Variants in TLL1 observed in about 807,000 individuals in gnomAD.
TLL1 encodes tolloid like 1.
Under a neutral mutation model 128.2 loss-of-function variants are expected in TLL1, and 49 were observed. The ratio of observed to expected loss-of-function variants is 0.38; its 90% CI spans 0.30 to 0.48. The LOEUF is 0.48. Ranked by LOEUF, TLL1 falls within the 20% of genes least tolerant of loss-of-function variation. The pLI is 0.96. For missense variants in TLL1, 1,123 were observed against 1,242.0 expected (o/e 0.90, Z 1.44); for synonymous variants, 454 against 418.8 (o/e 1.08, Z -1.03).
intron 12 of TLL1, among the ~76,000 whole-genome samples, chr4:166,043,972 CA>C (rs1413853086): frequency 2.0e-5 from 3 of 152,058 alleles, no homozygotes; most frequent in African/African-American, 7.2e-5. Flanking sequence ...AAAGGCCAAT[CA>C]GAATTTTTGG....
At chr4:165,880,523 C>G (rs1730926643) in intron 1 of TLL1, among the ~76,000 whole-genome samples, 1 of 152,094 alleles carries the variant, frequency 6.6e-6, no homozygotes, top group South Asian at 2.1e-4. Context: ...CAGAAGTGCT[C>G]TAAATATATT....
Position 166,093,184 on chromosome 4 carries a change from G to A in TLL1, c.2656+1843G>A, listed in dbSNP as rs539040963. Among the ~76,000 whole-genome samples, 30 of 152,202 alleles carry A rather than the reference G, an allele frequency of 2.0e-4. 1 individual carries two copies. In the South Asian group the frequency reaches 5.4e-3, roughly 27 times the overall value. The stretch of plus-strand genomic sequence containing the variant: ...GAAATAATAGTGGGCCCAGGAGACC[G>A]GCACTTAGCACACCAAGGACCTGCA... On this transcript the variant is annotated intron_variant, in intron 19 of 20. Transcript: ENST00000061240.
chr4:166,066,019 A>T (rs1023662364), intron 16 of TLL1, among the ~76,000 whole-genome samples, 156 bp downstream of exon 16: 1 of 152,112 alleles, frequency 6.6e-6, no homozygotes, highest in South Asian at 2.1e-4. Flanking sequence ...CAATATTTTT[A>T]TACAGTGACT....
chr4:165,894,389 G>A (rs745964576), intron 1 of TLL1, among the ~76,000 whole-genome samples: 6 of 152,138 alleles, frequency 3.9e-5, no homozygotes, highest in Non-Finnish European at 7.4e-5. Flanking sequence ...ATTTCTTATT[G>A]TAAGCAATGC....
chr4:166,016,826 AATATAC>A (rs1353248328), intron 8 of TLL1, among the ~76,000 whole-genome samples: 4 of 151,938 alleles, frequency 2.6e-5, no homozygotes, highest in African/African-American at 4.8e-5. Flanking sequence ...GAGATATATA[AATATAC>A]ATATATATAG....
chr4:165,918,630 T>C (rs912762234), intron 1 of TLL1, among the ~76,000 whole-genome samples: 6 of 152,194 alleles, frequency 3.9e-5, no homozygotes, highest in Non-Finnish European at 8.8e-5. Flanking sequence ...GGTAAAGTCA[T>C]AGAGCTATTT....
rs544988786 is a variant in TLL1 at position 166,084,365 on chromosome 4, C to T, written c.2442+6335C>T. 2.0e-5 allele frequency among the ~76,000 whole-genome samples: 3 copies of T among 152,196 alleles called. No individual in the cohort carries two copies. In the South Asian group the frequency reaches 6.2e-4, roughly 32 times the overall value. ...TCCACTCTGTTGATTGCTCCCTTTC[C>T]TGTACAGAAGCTTTTTAGTTTGATG... On this transcript the variant is annotated intron_variant, in intron 18 of 20. Coordinates refer to ENST00000061240, the MANE Select transcript of TLL1 (RefSeq NM_012464.5).
intron 10 of TLL1, 47 bp downstream of exon 10, chr4:166,039,488 C>A: frequency 1.4e-6 from 2 of 1,468,146 alleles, no homozygotes; most frequent in South Asian, 1.1e-5. Flanking sequence ...TATTCTGTCC[C>A]GTCCAAAAAA....
chr4:166,025,781 A>G (rs957249467), intron 9 of TLL1, among the ~76,000 whole-genome samples: 14 of 152,196 alleles, frequency 9.2e-5, no homozygotes, highest in Admixed American at 5.2e-4. Flanking sequence ...AAAAAATTAT[A>G]ATGAAAATTG....
chr4:165,998,130 A>T (rs908815388), intron 5 of TLL1, among the ~76,000 whole-genome samples: 15 of 152,168 alleles, frequency 9.9e-5, no homozygotes, highest in East Asian at 1.9e-4. Context: ...AGTATTTTTC[A>T]GTGAACAGTT....
chr4:165,891,275 A>G (rs1384619478), intron 1 of TLL1, among the ~76,000 whole-genome samples: 1 of 151,866 alleles, frequency 6.6e-6, no homozygotes, highest in Middle Eastern at 3.4e-3. Flanking sequence ...GGAGATTGAC[A>G]TTTGGCTCCT....
At chr4:165,877,424 A>G (rs1730765858) in intron 1 of TLL1, among the ~76,000 whole-genome samples, 1 of 152,236 alleles carries the variant, frequency 6.6e-6, no homozygotes, top group Non-Finnish European at 1.5e-5. Context: ...GCAGTACACA[A>G]TCATCTGAAT....
Position 165,873,780 on chromosome 4 carries a change from CG to C in TLL1, c.-123del. On this transcript the variant is annotated 5_prime_UTR_variant, in exon 1 of 21. Transcript: ENST00000061240. ...CATGTTTCCGGACACCTGAGCACCCCGGTCCCGCCGAGGAGCCTCCGGGTGG... is the reference window on the plus strand; with the variant it reads ...CATGTTTCCGGACACCTGAGCACCCCGTCCCGCCGAGGAGCCTCCGGGTGG... 9.3e-7 allele frequency: 1 copy of C among 1,071,980 alleles called. No individual in the cohort carries two copies. Among genetic ancestry groups the C allele is most frequent in the Non-Finnish European group, 1.4e-6 (1 of 715,658 alleles). 66.4% of individuals were successfully genotyped at this position (1,071,980 alleles called of 1,614,324 possible).
intron 1 of TLL1, among the ~76,000 whole-genome samples, chr4:165,970,763 C>T (rs555659054): frequency 6.6e-6 from 1 of 152,288 alleles, no homozygotes; most frequent in South Asian, 2.1e-4. Flanking sequence ...CATATACAGG[C>T]ATTTTAAGGA....
intron 1 of TLL1, among the ~76,000 whole-genome samples, chr4:165,935,433 G>C (rs1421380406): frequency 6.6e-6 from 1 of 152,166 alleles, no homozygotes; most frequent in African/African-American, 2.4e-5. Context: ...TAATGCACAT[G>C]ATCTATGCTT....
chr4:165,909,058 G>A (rs961740855), intron 1 of TLL1, among the ~76,000 whole-genome samples: 1 of 152,082 alleles, frequency 6.6e-6, no homozygotes, highest in Non-Finnish European at 1.5e-5. Flanking sequence ...TTAGCCGGGT[G>A]TGCCTATAAT....
rs761811235 is a variant in TLL1, at chr4:165,874,081, G to T, written c.169+8G>T. On this transcript the variant is annotated splice_region_variant and intron_variant, in intron 1 of 20. Coordinates refer to ENST00000061240, the MANE Select transcript of TLL1 (RefSeq NM_012464.5). ...AGGACCCGTGTAAAGCCGGTAAGTG[G>T]CTCTCCAGGTTGGGACGGTGGCGCG... 5 of 1,613,902 alleles carry T rather than the reference G, an allele frequency of 3.1e-6. No individual in the cohort carries two copies. Among genetic ancestry groups the T allele is most frequent in the Admixed American group, 3.3e-5 (2 of 60,010 alleles).
chr4:165,913,451 A>G (rs532823642), intron 1 of TLL1, among the ~76,000 whole-genome samples: 8 of 152,220 alleles, frequency 5.3e-5, no homozygotes, highest in Non-Finnish European at 5.9e-5. Context: ...AACCAAATCA[A>G]TGATATGTAG....
intron 1 of TLL1, among the ~76,000 whole-genome samples, chr4:165,958,851 C>A (rs1477159895): frequency 2.1e-5 from 3 of 144,860 alleles, no homozygotes; most frequent in Non-Finnish European, 3.0e-5. Context: ...TTAGGTCTAA[C>A]GTTTAAGTCT....
Sources: allele counts gnomAD v4.1 joint callset (sites outside exome capture counted in the v4.1 genomes callset), GRCh38; gene constraint gnomAD v4.1.1; transcripts MANE v1.5; gene names NCBI Gene and HGNC (gene_info 2026-07-23, HGNC 2026-07-21).